ITGA6: variants seen among roughly 807,000 people sequenced by gnomAD.
The protein encoded by ITGA6 is integrin subunit alpha 6, also known as integrin alpha-6.
A neutral mutation model predicts 133.6 loss-of-function variants in ITGA6; 63 were observed. The observed-to-expected ratio is 0.47, with a 90% CI of 0.38 to 0.58. The LOEUF is 0.58. Among genes scored for constraint, ITGA6 ranks in the 20% least tolerant of loss-of-function variants. The pLI, the probability that ITGA6 is intolerant of heterozygous loss-of-function variation, is 0.00. For missense variants in ITGA6, 1,068 were observed against 1,309.4 expected (o/e 0.82, Z 2.85); for synonymous variants, 434 against 482.0 (o/e 0.90, Z 1.30).
intron 1 of ITGA6, among the ~76,000 whole-genome samples, chr2:172,453,221 T>A (rs1685078655): frequency 6.6e-6 from 1 of 152,180 alleles, no homozygotes; most frequent in Non-Finnish European, 1.5e-5. Flanking sequence ...TACACAATTT[T>A]TTTTTTTTTA....
chr2:172,474,764 G>A (rs753799083), intron 6 of ITGA6, among the ~76,000 whole-genome samples, 165 bp from the exon 7 acceptor site: 8 of 152,152 alleles, frequency 5.3e-5, no homozygotes, highest in African/African-American at 1.2e-4. Context: ...TTCTTGGGGC[G>A]TTTATTATAG....
intron 1 of ITGA6, among the ~76,000 whole-genome samples, chr2:172,453,804 G>A (rs182928586): frequency 1.9e-3 from 288 of 152,324 alleles, no homozygotes; most frequent in African/African-American, 6.8e-3. Flanking sequence ...TCTTTTAATT[G>A]TGTAAATTAC....
rs55826001 is a variant in ITGA6 at position 172,471,167 on chromosome 2, C to A, written c.775+62C>A. The A allele has an allele frequency of 1.4e-5, 22 of 1,593,328 alleles. No homozygotes were observed. The East Asian group carries it at 4.9e-4, about 36-fold the overall frequency. ...TCTCAGATACCTTGTGTGAAACTCC[C>A]TCGCAGGGCCTATGGCCCCTGGACT... is the stretch of plus-strand genomic sequence containing the variant. On this transcript the variant is annotated intron_variant, in intron 5 of 25. Coordinates refer to ENST00000684293, the MANE Select transcript of ITGA6 (RefSeq NM_000210.4).
chr2:172,441,978 G>A (rs530640684), intron 1 of ITGA6, among the ~76,000 whole-genome samples: 2 of 152,246 alleles, frequency 1.3e-5, no homozygotes, highest in South Asian at 2.1e-4. Context: ...ACGTCGGTTC[G>A]TGTCCCATCA....
At chr2:172,476,347 G>T (rs1359373227) in intron 8 of ITGA6, 48 bp from the exon 9 acceptor site, 2 of 976,378 alleles carry the variant, frequency 2.0e-6, no homozygotes, top group South Asian at 1.3e-5. Context: ...TTGTTAAGAA[G>T]CTCATGGTGA....
chr2:172,477,430 C>T (rs1449360231), intron 9 of ITGA6, among the ~76,000 whole-genome samples: 2 of 151,996 alleles, frequency 1.3e-5, no homozygotes, highest in African/African-American at 2.4e-5. Flanking sequence ...ATAGAAAATC[C>T]AGTACATTAT....
intron 1 of ITGA6, among the ~76,000 whole-genome samples, chr2:172,454,076 TTTTTG>T (rs1013133401): frequency 5.0e-5 from 7 of 138,648 alleles, no homozygotes; most frequent in Non-Finnish European, 1.0e-4. Context: ...GGAAGTTTTT[TTTTTG>T]TTTTGTTTTG....
chr2:172,434,480 C>T (rs1393137186), intron 1 of ITGA6, among the ~76,000 whole-genome samples: 7 of 152,260 alleles, frequency 4.6e-5, no homozygotes, highest in African/African-American at 1.2e-4. Flanking sequence ...GTTCTCAGGC[C>T]GCAGTGTGGC....
rs57828626 is a variant in ITGA6, at chr2:172,441,559, T to TAAA, written c.182+13623_182+13625dup. On this transcript the variant is annotated intron_variant, in intron 1 of 25. Transcript: ENST00000684293. ...TAACAGAGTGGAGACGCTGTCTCTT[T>TAAA]AAAAAAAAAAAAAAAAAAAAAAAAA... Among the ~76,000 whole-genome samples, 47 of 48,846 alleles carry TAAA rather than the reference T, an allele frequency of 9.6e-4. 2 individuals are homozygous for TAAA. Among genetic ancestry groups the TAAA allele is most frequent in the East Asian group, 1.2e-3 (2 of 1,680 alleles). 32.0% of individuals were successfully genotyped at this position (48,846 alleles called of 152,430 possible).
At chr2:172,481,597 T>C (rs1686442495) in intron 11 of ITGA6, among the ~76,000 whole-genome samples, 1 of 152,198 alleles carries the variant, frequency 6.6e-6, no homozygotes, top group East Asian at 1.9e-4. Flanking sequence ...CCTTCATCTT[T>C]CCAGATTTCG....
Position 172,474,913 on chromosome 2 carries a change from C to G in ITGA6, c.987-16C>G. The G allele has an allele frequency of 7.3e-7, 1 of 1,368,164 alleles. No homozygotes were observed. 84.8% of individuals were successfully genotyped at this position (1,368,164 alleles called of 1,614,324 possible). On this transcript the variant is annotated splice_polypyrimidine_tract_variant and intron_variant, in intron 6 of 25. Coordinates refer to ENST00000684293, the MANE Select transcript of ITGA6 (RefSeq NM_000210.4). Reference sequence around the variant, plus strand: ...AGCTGTTGGTTCACGGCTCTTTCCCCTCATTATGTTTTTAGGTGGCAAGAT... The same window carrying G: ...AGCTGTTGGTTCACGGCTCTTTCCCGTCATTATGTTTTTAGGTGGCAAGAT...
rs1451921055 is a variant in ITGA6, at chr2:172,504,246, C to T, written c.*178C>T. On this transcript the variant is annotated 3_prime_UTR_variant, in exon 26 of 26. Transcript: ENST00000684293. The stretch of plus-strand genomic sequence containing the variant: ...CAAAGTGGAACGAAAATGAAAGCTA[C>T]TCATAGCGGGGGCCTAAAAAAAAAA... The T allele has an allele frequency of 1.3e-6, 2 of 1,556,024 alleles. No individual in the cohort carries two copies. The highest frequency in any genetic ancestry group is 1.7e-6 in the Non-Finnish European group (2 of 1,149,956).
intron 1 of ITGA6, among the ~76,000 whole-genome samples, chr2:172,446,954 G>A (rs12615596): frequency 0.11 from 16,433 of 152,178 alleles, 1,232 homozygotes; most frequent in East Asian, 0.26. Context: ...CTGGAGTGCA[G>A]TGGCGCAATC....
intron 23 of ITGA6, among the ~76,000 whole-genome samples, chr2:172,492,444 TG>T (rs975798783): frequency 6.6e-6 from 1 of 152,254 alleles, no homozygotes; most frequent in Non-Finnish European, 1.5e-5. Flanking sequence ...TGATTTGCTT[TG>T]GGTCCATTGT....
intron 1 of ITGA6, among the ~76,000 whole-genome samples, chr2:172,442,736 A>C (rs1684594977): frequency 6.6e-6 from 1 of 152,136 alleles, no homozygotes; most frequent in African/African-American, 2.4e-5. Flanking sequence ...AGCTTGCTTT[A>C]CTGATGTGTT....
At chr2:172,444,148 A>G (rs1032597397) in intron 1 of ITGA6, among the ~76,000 whole-genome samples, 1 of 152,198 alleles carries the variant, frequency 6.6e-6, no homozygotes, top group Non-Finnish European at 1.5e-5. Flanking sequence ...ATCCATAGTG[A>G]TACTCAGCTA....
At chr2:172,455,253 T>G (rs896181981) in intron 1 of ITGA6, among the ~76,000 whole-genome samples, 6 of 152,230 alleles carry the variant, frequency 3.9e-5, no homozygotes, top group African/African-American at 1.4e-4. Context: ...CCAAGTCACT[T>G]GGCAGTGACG....
At chr2:172,444,735 G>T (rs906036054) in intron 1 of ITGA6, among the ~76,000 whole-genome samples, 1 of 145,788 alleles carries the variant, frequency 6.9e-6, no homozygotes, top group Non-Finnish European at 1.5e-5. Flanking sequence ...TTTCACATAG[G>T]AACCCCCCTA....
At chr2:172,443,000 A>G (rs1684605231) in intron 1 of ITGA6, among the ~76,000 whole-genome samples, 1 of 152,174 alleles carries the variant, frequency 6.6e-6, no homozygotes, top group Admixed American at 6.5e-5. Context: ...TAGGTAGTAC[A>G]GTCACATGGT....
Sources: gnomAD v4.1 joint callset for allele counts (sites outside exome capture counted in the v4.1 genomes callset) on GRCh38, gnomAD v4.1.1 for gene constraint, MANE v1.5 for transcripts, NCBI Gene and HGNC (gene_info 2026-07-23, HGNC 2026-07-21) for gene names.